P2RX5: variants seen among roughly 807,000 people sequenced by gnomAD.
P2RX5 encodes the protein purinergic receptor P2X 5.
A neutral mutation model predicts 54.1 loss-of-function variants in P2RX5; 46 were observed. The observed-to-expected ratio is 0.85, with a 90% confidence interval of 0.67 to 1.09. P2RX5 has a LOEUF of 1.09. P2RX5 is among the 50% of genes least tolerant of loss of function. The probability of loss-of-function intolerance (pLI) is 0.00; values close to 1 mark genes in which losing one functional copy is unlikely to be tolerated. For missense variants in P2RX5, 566 were observed against 549.8 expected, an observed-to-expected ratio of 1.03 and a Z score of -0.29; for synonymous variants, 226 against 226.4, an observed-to-expected ratio of 1.00 and a Z score of 0.02.
chr17:3,697,090 G>A (rs563629678), upstream of P2RX5, among the ~76,000 whole-genome samples: 11 of 151,022 alleles, frequency 7.3e-5, no homozygotes, highest in South Asian at 1.3e-3. Flanking sequence ...GGCAGGTCCC[G>A]AGTGCCGGCA....
At chr17:3,720,620 C>T in the P2RX5 span, 23 of 367,530 alleles carry the variant, frequency 6.3e-5, no homozygotes, top group East Asian at 3.9e-4. Flanking sequence ...TTCGCTCTTT[C>T]GCCCAGGCTG....
chr17:3,698,275 G>A (rs1012431186), upstream of P2RX5, among the ~76,000 whole-genome samples: 27 of 152,018 alleles, frequency 1.8e-4, no homozygotes, highest in African/African-American at 6.0e-4. Context: ...AGGGGAGGTG[G>A]ACTTTCAGAG....
At chr17:3,710,850 C>A in the P2RX5 span, among the ~76,000 whole-genome samples, 1 of 152,114 alleles carries the variant, frequency 6.6e-6, no homozygotes, top group Non-Finnish European at 1.5e-5. Flanking sequence ...ATCGATTGAA[C>A]CCAGAAGGCG....
In P2RX5 at chr17:3,679,789, A is replaced by T; in HGVS notation, c.1065-5T>A. ...TGGGAACTGTCTTCTAGGCCCCTGG[A>T]CAAGATACAAGCTGTTCACCTGGGA... On this transcript the variant is annotated splice_polypyrimidine_tract_variant and splice_region_variant and intron_variant, in intron 10 of 11. Transcript: ENST00000225328. 6.2e-7 allele frequency: 1 copy of T among 1,608,052 alleles called. No individual in the cohort carries two copies. Among genetic ancestry groups the T allele is most frequent in the Non-Finnish European group, 8.5e-7 (1 of 1,179,502 alleles).
intron 10 of P2RX5, among the ~76,000 whole-genome samples, chr17:3,680,511 A>T (rs373297158): frequency 1.3e-5 from 1 of 74,738 alleles, no homozygotes; most frequent in African/African-American, 6.6e-5. Flanking sequence ...TCCACCCTGC[A>T]TCCTCCACCC....
chr17:3,723,707 C>CA, the P2RX5 span: 1 of 1,603,282 alleles, frequency 6.2e-7, no homozygotes. Context: ...ACTGTACGCA[C>CA]AAGCGCGCTC....
Position 3,679,281 on chromosome 17 carries a change from G to A in P2RX5, c.1259+309C>T, listed in dbSNP as rs189769237. 9.8e-5 allele frequency among the ~76,000 whole-genome samples: 15 copies of A among 152,320 alleles called. No homozygotes were observed. The East Asian group carries it at 1.7e-3, about 18-fold the overall frequency. ...GTTGCTTACATGAGTTAACAAATAC[G>A]GAGAGTACAGAGGGGTTCCAGGCAG... is the stretch of plus-strand genomic sequence containing the variant. On this transcript the variant is annotated intron_variant, in intron 11 of 11. Coordinates refer to ENST00000225328, the MANE Select transcript of P2RX5 (RefSeq NM_002561.4).
chr17:3,688,737 A>G lies in P2RX5; in HGVS notation c.776T>C (p.Ile259Thr), dbSNP rs761027079. The change falls in exon 8 of 12, where the codon ATT becomes ACT. Residue 259 changes from isoleucine to threonine, a missense_variant. Transcript: ENST00000225328. ...TTTATCAAGATCACAGTTCCATTCAATATTAATTCCTATCACGCCACCCTT... is the reference window on the plus strand; with the variant it reads ...TTTATCAAGATCACAGTTCCATTCAGTATTAATTCCTATCACGCCACCCTT... ...ALEGGVIGIN[I>T]EWNCDLDKAA... is the part of the protein sequence containing the mutation. 6.2e-7 allele frequency: 1 copy of G among 1,614,064 alleles called. No individual in the cohort carries two copies. Among genetic ancestry groups the G allele is most frequent in the Non-Finnish European group, 8.5e-7 (1 of 1,179,962 alleles).
the P2RX5 span, among the ~76,000 whole-genome samples, chr17:3,721,260 CTTTTTTTTTTT>C: frequency 5.1e-3 from 234 of 46,254 alleles, 2 homozygotes; most frequent in African/African-American, 0.025. Context: ...GAGATTTTTC[CTTTTTTTTTTT>C]TTTTTTTTTT....
chr17:3,690,535 G>A lies in P2RX5; in HGVS notation c.437-12C>T, dbSNP rs1460885761. ...GCCGGTCTTCACTCCTGCAGGGGTG[G>A]GACAGGATCAATGCCAGGAGCCTCC... On this transcript the variant is annotated splice_polypyrimidine_tract_variant and intron_variant, in intron 4 of 11. Coordinates refer to ENST00000225328, the MANE Select transcript of P2RX5 (RefSeq NM_002561.4). 6.2e-7 allele frequency: 1 copy of A among 1,611,810 alleles called. No homozygotes were observed. Among genetic ancestry groups the A allele is most frequent in the Non-Finnish European group, 8.5e-7 (1 of 1,178,464 alleles).
chr17:3,706,475 G>C, the P2RX5 span, among the ~76,000 whole-genome samples: 1 of 152,184 alleles, frequency 6.6e-6, no homozygotes, highest in African/African-American at 2.4e-5. Context: ...TCATCACCAA[G>C]ACTCCAGGTC....
chr17:3,695,829 G>T (rs769218927), intron 1 of P2RX5, 40 bp downstream of exon 1: 12 of 1,586,380 alleles, frequency 7.6e-6, no homozygotes, highest in Non-Finnish European at 1.0e-5. Flanking sequence ...CACCCGCCCT[G>T]CCCCTCCCCC....
At position 3,696,150 on chromosome 17, in the gene P2RX5, C is replaced by T; in HGVS notation, c.-145G>A. 1 of 746,166 alleles carries T rather than the reference C, an allele frequency of 1.3e-6. No homozygotes were observed. 46.2% of individuals were successfully genotyped at this position (746,166 alleles called of 1,614,324 possible). On this transcript the variant is annotated 5_prime_UTR_variant, in exon 1 of 12. Transcript: ENST00000225328. ...CAGCCCGGGGTGTCCGGCAGGGCTG[C>T]GGGGCGCGGGGGCGGGTCGGGGCGG...
chr17:3,681,912 T>C lies in P2RX5; in HGVS notation c.1048A>G (p.Lys350Glu). The change falls in exon 10 of 12, where the codon AAG becomes GAG. Residue 350 changes from lysine (K) to glutamate (E), a missense_variant. Transcript: ENST00000225328. ...IKKREFYRDK[K>E]YEEVRGLEDS... is the part of the protein sequence containing the mutation. ...GGAACTGACCTCACTTCCTCGTACT[T>C]CTTGTCACGGTAAAACTCTCTCTTT... 2 of 1,613,364 alleles carry C rather than the reference T, an allele frequency of 1.2e-6. No individual in the cohort carries two copies. Among genetic ancestry groups the C allele is most frequent in the Non-Finnish European group, 8.5e-7 (1 of 1,179,384 alleles).
At chr17:3,707,238 C>T in the P2RX5 span, among the ~76,000 whole-genome samples, 2 of 152,134 alleles carry the variant, frequency 1.3e-5, no homozygotes, top group African/African-American at 2.4e-5. Flanking sequence ...CTGTAGAATT[C>T]GACTTTTCTG....
intron 1 of P2RX5, among the ~76,000 whole-genome samples, chr17:3,693,912 T>TA (rs1223745545): frequency 1.3e-5 from 2 of 151,686 alleles, no homozygotes; most frequent in Non-Finnish European, 2.9e-5. Context: ...TTACATGCGC[T>TA]CGCCACCACA....
chr17:3,691,093 C>A (rs556999452), intron 2 of P2RX5, 66 bp from the exon 3 acceptor site: 1 of 1,213,736 alleles, frequency 8.2e-7, no homozygotes, highest in South Asian at 1.2e-5. Flanking sequence ...ACCTTTCCAG[C>A]GTTACCTGAA....
At position 3,681,753 on chromosome 17, in the gene P2RX5, T is replaced by C. The variant is rs76076636; in HGVS notation, c.1064+143A>G. 2.6e-3 allele frequency: 1,818 copies of C among 701,940 alleles called. 9 individuals carry two copies. The highest frequency in any genetic ancestry group is 4.0e-3 in the Non-Finnish European group (1,523 of 383,540). 43.5% of individuals were successfully genotyped at this position (701,940 alleles called of 1,614,324 possible). On this transcript the variant is annotated intron_variant, in intron 10 of 11. Transcript: ENST00000225328. ...GCCGAATCCGGTTCTGTAGAGCATG[T>C]ACTCAGAACACTTCTCCTCCCCGGG...
At chr17:3,697,165 G>A (rs1241082518), upstream of P2RX5, among the ~76,000 whole-genome samples, 1 of 151,910 alleles carries the variant, frequency 6.6e-6, no homozygotes, top group Non-Finnish European at 1.5e-5. Flanking sequence ...ACGGGGTGGG[G>A]GCGGGGAGAC....
Sources: gnomAD v4.1 joint callset for allele counts (sites outside exome capture counted in the v4.1 genomes callset) on GRCh38, gnomAD v4.1.1 for gene constraint, MANE v1.5 for transcripts, NCBI Gene and HGNC (gene_info 2026-07-23, HGNC 2026-07-21) for gene names.